Variants in FMNL3 observed in about 807,000 individuals in gnomAD.
FMNL3 encodes the protein formin-like protein 3.
FMNL3 carries 57 observed loss-of-function variants against 119.6 expected under a neutral mutation model. The observed-to-expected ratio is 0.48, with a 90% CI of 0.39 to 0.59. The LOEUF (loss-of-function observed/expected upper bound fraction) is 0.59, where lower values mean the gene tolerates loss of function less well. Among genes scored for constraint, FMNL3 ranks in the 20% least tolerant of loss-of-function variants. The pLI, the probability that FMNL3 is intolerant of heterozygous loss-of-function variation, is 0.00. For synonymous variants in FMNL3, 491 were observed against 507.3 expected, an observed-to-expected ratio of 0.97 and a Z score of 0.43; for missense variants, 1,053 against 1,323.5, an observed-to-expected ratio of 0.80 and a Z score of 3.17.
chr12:49,693,063 T>C (rs972766554), intron 1 of FMNL3, among the ~76,000 whole-genome samples: 1 of 152,218 alleles, frequency 6.6e-6, no homozygotes, highest in African/African-American at 2.4e-5. Context: ...AGGTGTCAAA[T>C]GATGCAATCT....
chr12:49,691,170 T>G (rs1485040330), intron 1 of FMNL3, among the ~76,000 whole-genome samples: 1 of 152,250 alleles, frequency 6.6e-6, no homozygotes, highest in Non-Finnish European at 1.5e-5. Flanking sequence ...TCCTCTTCTA[T>G]AAAATGGAGA....
chr12:49,643,518 TAGAA>T lies in FMNL3; in HGVS notation c.*2293_*2296del, dbSNP rs1433979779. The T allele has an allele frequency of 4.8e-4, 678 of 1,405,030 alleles. 2 individuals are homozygous for T. Among genetic ancestry groups the T allele is most frequent in the Non-Finnish European group, 1.0e-4 (107 of 1,042,242 alleles). The allele number at this position is 1,405,030 out of a possible 1,614,324, so 87.0% of individuals were successfully genotyped here. On this transcript the variant is annotated 3_prime_UTR_variant, in exon 26 of 26. Coordinates refer to ENST00000335154, the MANE Select transcript of FMNL3 (RefSeq NM_175736.5). ...ATTGGGAGGGCTGCACCTGTGGAAG[TAGAA>T]AGAACTTCCTCTACCTGCCCAAGCA...
chr12:49,665,917 A>C lies in FMNL3; in HGVS notation c.292-9T>G. ...ACCCTCCTCCTGAACTTCTGTAAAA[A>C]GGGTAGGAAAGGAAGGGAATACAAG... On this transcript the variant is annotated splice_polypyrimidine_tract_variant and intron_variant, in intron 3 of 25. Transcript: ENST00000335154. The C allele has an allele frequency of 6.2e-7, 1 of 1,614,040 alleles. No homozygotes were observed. The highest frequency in any genetic ancestry group is 8.5e-7 in the Non-Finnish European group (1 of 1,179,872).
At chr12:49,692,276 A>G (rs960769464) in intron 1 of FMNL3, among the ~76,000 whole-genome samples, 2 of 151,466 alleles carry the variant, frequency 1.3e-5, no homozygotes, top group Non-Finnish European at 2.9e-5. Flanking sequence ...AGAAGTTGAG[A>G]CTGTGATCAC....
chr12:49,663,213 C>T (rs2138831886), intron 4 of FMNL3, among the ~76,000 whole-genome samples: 1 of 152,330 alleles, frequency 6.6e-6, no homozygotes, highest in Admixed American at 6.5e-5. Flanking sequence ...TTCTCATTTC[C>T]TGTCTGAGTC....
At chr12:49,667,183 G>A (rs1943915334) in intron 2 of FMNL3, among the ~76,000 whole-genome samples, 1 of 152,088 alleles carries the variant, frequency 6.6e-6, no homozygotes, top group South Asian at 2.1e-4. Context: ...CCACCACCAA[G>A]ATATCTGAAG....
intron 1 of FMNL3, among the ~76,000 whole-genome samples, chr12:49,684,606 C>T (rs183331272): frequency 2.0e-3 from 298 of 152,264 alleles, no homozygotes; most frequent in African/African-American, 6.7e-3. Context: ...TGCTTTGGGA[C>T]GCCACCGCGA....
At chr12:49,674,606 G>C (rs1360385978) in intron 1 of FMNL3, among the ~76,000 whole-genome samples, 1 of 152,194 alleles carries the variant, frequency 6.6e-6, no homozygotes, top group African/African-American at 2.4e-5. Flanking sequence ...TGAACAAATT[G>C]CTTAGGTACC....
At chr12:49,703,518 G>A (rs1004899774) in intron 1 of FMNL3, among the ~76,000 whole-genome samples, 4 of 151,824 alleles carry the variant, frequency 2.6e-5, no homozygotes, top group Non-Finnish European at 2.9e-5. Context: ...TTTTCCCATC[G>A]AGGCACACCT....
In FMNL3 at chr12:49,649,662, C is replaced by T; in HGVS notation, c.2235+29G>A. 1 of 1,613,278 alleles carries T rather than the reference C, an allele frequency of 6.2e-7. No individual in the cohort carries two copies. The highest frequency in any genetic ancestry group is 8.5e-7 in the Non-Finnish European group (1 of 1,179,342). The stretch of plus-strand genomic sequence containing the variant: ...GATGGAGGGTGGAGGGACAGCTGTC[C>T]AGAGCCATGAGTTGGGTGGGGGCTG... On this transcript the variant is annotated intron_variant, in intron 18 of 25. Coordinates refer to ENST00000335154, the MANE Select transcript of FMNL3 (RefSeq NM_175736.5). The surrounding 1 kb of genome is among the most constrained non-coding windows in gnomAD (Gnocchi z 5.6).
At chr12:49,661,006 G>A (rs375831740) in intron 5 of FMNL3, among the ~76,000 whole-genome samples, 2 of 152,190 alleles carry the variant, frequency 1.3e-5, no homozygotes, top group South Asian at 2.1e-4. Context: ...TAGGATGGAG[G>A]AGTTTCCTGG....
chr12:49,673,349 A>G (rs1035698971), intron 1 of FMNL3, among the ~76,000 whole-genome samples: 12 of 152,258 alleles, frequency 7.9e-5, no homozygotes, highest in African/African-American at 2.9e-4. Context: ...TTGGGAGTCC[A>G]GAAGACTGCT....
chr12:49,697,164 T>A (rs1363490664), intron 1 of FMNL3, among the ~76,000 whole-genome samples: 1 of 152,196 alleles, frequency 6.6e-6, no homozygotes, highest in Non-Finnish European at 1.5e-5. Flanking sequence ...CTGGCTTGAG[T>A]AACTGACCAG....
chr12:49,661,200 C>T (rs1379465207), intron 5 of FMNL3, among the ~76,000 whole-genome samples: 1 of 152,188 alleles, frequency 6.6e-6, no homozygotes, highest in African/African-American at 2.4e-5. Flanking sequence ...AACAATAGAT[C>T]TGCTACCACA....
chr12:49,682,180 C>T (rs1944352938), intron 1 of FMNL3, among the ~76,000 whole-genome samples: 1 of 151,732 alleles, frequency 6.6e-6, no homozygotes, highest in African/African-American at 2.4e-5. Flanking sequence ...ACGCCATTCT[C>T]CTGCCTCAGC....
chr12:49,650,011 C>T, intron 17 of FMNL3, 86 bp from the exon 18 acceptor site: 1 of 1,206,694 alleles, frequency 8.3e-7, no homozygotes, highest in South Asian at 1.4e-5. Context: ...CCTAGAAGAA[C>T]TGGACAGGGG....
At chr12:49,653,686 A>C in intron 12 of FMNL3, 39 bp downstream of exon 12, 1 of 1,611,670 alleles carries the variant, frequency 6.2e-7, no homozygotes, top group South Asian at 1.1e-5. Context: ...TTGAGCTTCC[A>C]TCAACAGTGG....
intron 9 of FMNL3, among the ~76,000 whole-genome samples, chr12:49,655,797 C>A (rs183602938): frequency 6.8e-4 from 104 of 152,008 alleles, no homozygotes; most frequent in African/African-American, 2.3e-3. Flanking sequence ...GGGAAGAGGT[C>A]CAAAGAAGAG....
chr12:49,648,467 C>T, intron 21 of FMNL3, 114 bp from the exon 22 acceptor site: 1 of 1,139,632 alleles, frequency 8.8e-7, no homozygotes, highest in East Asian at 2.7e-5. Flanking sequence ...CTCAGGTTCA[C>T]ATACCTGTAT....
Sources: allele counts gnomAD v4.1 joint callset (sites outside exome capture counted in the v4.1 genomes callset), GRCh38; gene constraint gnomAD v4.1.1; non-coding constraint Gnocchi (gnomAD v3.1); transcripts MANE v1.5; gene names NCBI Gene and HGNC (gene_info 2026-07-23, HGNC 2026-07-21).